Variants in RAB9A observed in about 807,000 individuals in gnomAD.
The protein encoded by RAB9A is ras-related protein Rab-9A.
Under a neutral mutation model 10.3 loss-of-function variants are expected in RAB9A, and 1 was observed. The ratio of observed to expected loss-of-function variants is 0.10; its 90% CI spans 0.03 to 0.46. The LOEUF (loss-of-function observed/expected upper bound fraction) is 0.46. RAB9A is among the 20% of genes least tolerant of loss of function. The probability of loss-of-function intolerance (pLI) is 0.96; values close to 1 mark genes in which losing one functional copy is unlikely to be tolerated. For missense variants in RAB9A, 92 were observed against 150.3 expected, an observed-to-expected ratio of 0.61 and a Z score of 2.03; for synonymous variants, 39 against 55.2, an observed-to-expected ratio of 0.71 and a Z score of 1.30.
rs1201455829 is a variant in RAB9A at position 13,689,239 on chromosome X, C to T, written c.-165C>T. On this transcript the variant is annotated 5_prime_UTR_variant, in exon 1 of 3. Coordinates refer to ENST00000464506, the MANE Select transcript of RAB9A (RefSeq NM_004251.5). ...GACCCTCTCTCTGTCCTCATTGCGC[C>T]CAGACGGGCCGGCCCAGAGCTCCCG... 1 of 113,316 alleles carries T rather than the reference C, an allele frequency of 8.8e-6. No individual in the cohort carries two copies. The highest frequency in any genetic ancestry group is 1.9e-5 in the Non-Finnish European group (1 of 53,327). 9.3% of individuals were successfully genotyped at this position (113,316 alleles called of 1,213,427 possible).
intron 1 of RAB9A, among the ~76,000 whole-genome samples, chrX:13,695,587 A>C (rs1161648337): frequency 8.9e-6 from 1 of 112,506 alleles, no homozygotes; most frequent in African/African-American, 3.2e-5. Context: ...AAGTGGACAT[A>C]TTTCATGTGT....
chrX:13,696,638 A>G lies in RAB9A; in HGVS notation c.-115-7176A>G, dbSNP rs1001487941. On this transcript the variant is annotated intron_variant, in intron 1 of 2. Coordinates refer to ENST00000464506, the MANE Select transcript of RAB9A (RefSeq NM_004251.5). ...CTTAGGGTTGTATGTGCCGTAGGGC[A>G]TTCAGATGAGGACTGAGAAAAAGCC... Among the ~76,000 whole-genome samples, 4 of 112,280 alleles carry G rather than the reference A, an allele frequency of 3.6e-5. 1 individual carries two copies. The East Asian group carries it at 8.4e-4, about 24-fold the overall frequency.
chrX:13,707,162 CCA>C (rs1221608417), intron 2 of RAB9A, among the ~76,000 whole-genome samples: 8 of 112,335 alleles, frequency 7.1e-5, no homozygotes, highest in African/African-American at 2.6e-4. Context: ...GTCAAGTGTT[CCA>C]CAGTCACATG....
intron 2 of RAB9A, among the ~76,000 whole-genome samples, chrX:13,704,813 T>A (rs768681747): frequency 9.0e-6 from 1 of 110,714 alleles, no homozygotes; most frequent in African/African-American, 3.3e-5. Flanking sequence ...TGAGATGAGG[T>A]CTCACCATGT....
At chrX:13,695,141 T>C (rs2046142081) in intron 1 of RAB9A, among the ~76,000 whole-genome samples, 2 of 112,525 alleles carry the variant, frequency 1.8e-5, no homozygotes, top group Admixed American at 1.9e-4. Context: ...TTCAGTTCTT[T>C]TCCAGTTCTC....
chrX:13,695,425 A>T (rs1011147657), intron 1 of RAB9A, among the ~76,000 whole-genome samples: 1 of 111,714 alleles, frequency 9.0e-6, no homozygotes, highest in Non-Finnish European at 1.9e-5. Flanking sequence ...TGATCTATAA[A>T]ACATGGATGA....
intron 1 of RAB9A, among the ~76,000 whole-genome samples, chrX:13,694,325 A>G (rs1290497953): frequency 8.9e-6 from 1 of 112,514 alleles, no homozygotes; most frequent in Non-Finnish European, 1.9e-5. Flanking sequence ...GGAAATACAT[A>G]CATAATGTGG....
chrX:13,696,603 C>T (rs767246405), intron 1 of RAB9A, among the ~76,000 whole-genome samples: 1 of 111,913 alleles, frequency 8.9e-6, no homozygotes, highest in South Asian at 3.8e-4. Context: ...GAACTTTTCC[C>T]TGTATTCACC....
chrX:13,709,294 T>A lies in RAB9A; in HGVS notation c.548T>A (p.Ile183Asn). 1 of 1,210,648 alleles carries A rather than the reference T, an allele frequency of 8.3e-7. No homozygotes were observed. The highest frequency in any genetic ancestry group is 1.7e-5 in the African/African-American group (1 of 57,778). Residue 183 changes from isoleucine (I) to asparagine (N), a missense_variant, in exon 3 of 3, where the codon ATT becomes AAT. Physicochemically the swap from Ile to Asn is moderately radical, Grantham distance 149 (BLOSUM62 -3). Coordinates refer to ENST00000464506, the MANE Select transcript of RAB9A (RefSeq NM_004251.5). The stretch of plus-strand genomic sequence containing the variant: ...ACCGAGGATAGGTCAGATCATTTGA[T>A]TCAGACAGACACAGTCAATCTTCAC... ...LATEDRSDHL[I>N]QTDTVNLHRK...
chrX:13,695,917 C>T (rs2046145543), intron 1 of RAB9A, among the ~76,000 whole-genome samples: 1 of 110,792 alleles, frequency 9.0e-6, no homozygotes, highest in African/African-American at 3.3e-5. Context: ...AAAGCAGAAC[C>T]TATTATCAGA....
chrX:13,695,422 TAA>T (rs1396946250), intron 1 of RAB9A, among the ~76,000 whole-genome samples: 1 of 112,004 alleles, frequency 8.9e-6, no homozygotes, highest in Admixed American at 9.4e-5. Flanking sequence ...TATTGATCTA[TAA>T]AACATGGATG....
chrX:13,708,868 G>A lies in RAB9A; in HGVS notation c.122G>A (p.Gly41Asp). The change falls in exon 3 of 3, where the codon GGT becomes GAT. Residue 41 changes from glycine (G) to aspartate (D), a missense_variant. Physicochemically the swap from Gly to Asp is moderately conservative, Grantham distance 94 (BLOSUM62 -1). Transcript: ENST00000464506. ...KFDTQLFHTI[G>D]VEFLNKDLEV... ...GATACCCAGCTCTTCCATACAATAGGTGTGGAATTTTTAAATAAAGATTTG... is the reference window on the plus strand; with the variant it reads ...GATACCCAGCTCTTCCATACAATAGATGTGGAATTTTTAAATAAAGATTTG... 8.3e-7 allele frequency: 1 copy of A among 1,210,588 alleles called. No individual in the cohort carries two copies. The highest frequency in any genetic ancestry group is 1.1e-6 in the Non-Finnish European group (1 of 894,633).
At position 13,689,218 on chromosome X, in the gene RAB9A, C is replaced by T. The variant is rs1218975711; in HGVS notation, c.-186C>T. 3.5e-5 allele frequency: 4 copies of T among 113,417 alleles called. No individual in the cohort carries two copies. Among genetic ancestry groups the T allele is most frequent in the African/African-American group, 1.3e-4 (4 of 31,298 alleles). 9.3% of individuals were successfully genotyped at this position (113,417 alleles called of 1,213,427 possible). ...CCTCCTGCTGTGCAGGTCCCCGACC[C>T]TCTCTCTGTCCTCATTGCGCCCAGA... is the stretch of plus-strand genomic sequence containing the variant. On this transcript the variant is annotated 5_prime_UTR_variant, in exon 1 of 3. Transcript: ENST00000464506.
Position 13,709,352 on chromosome X carries a change from A to C in RAB9A, c.606A>C (p.Ter202CysextTer5). The C allele has an allele frequency of 5.9e-6, 7 of 1,193,785 alleles. No individual in the cohort carries two copies. Among genetic ancestry groups the C allele is most frequent in the Non-Finnish European group, 7.9e-6 (7 of 886,272 alleles). ...CCAAGCCTAGCTCATCTTGCTGTTG[A>C]TTGTTAGATTGTTGATGCATTCTAA... is the stretch of plus-strand genomic sequence containing the variant. ...RKPKPSSSCC[*>C] The change falls in exon 3 of 3, where the codon TGA (stop) becomes TGC (cysteine). Residue 202 changes from the stop codon to cysteine (C), a stop_lost. Coordinates refer to ENST00000464506, the MANE Select transcript of RAB9A (RefSeq NM_004251.5).
chrX:13,692,203 T>C (rs1231738443), intron 1 of RAB9A, among the ~76,000 whole-genome samples: 2 of 110,987 alleles, frequency 1.8e-5, no homozygotes, highest in Admixed American at 9.6e-5. Flanking sequence ...CCAGCTACTC[T>C]GGAGGCTGAG....
At position 13,694,613 on chromosome X, in the gene RAB9A, CTA is replaced by C. The variant is rs1174575482; in HGVS notation, c.-116+5327_-116+5328del. 4.5e-5 allele frequency among the ~76,000 whole-genome samples: 5 copies of C among 111,774 alleles called. No homozygotes were observed. In the Admixed American group the frequency reaches 4.7e-4, roughly 11 times the overall value. ...GGGGTGCCCTACAAATGTCAAGTATCTATGTTTCCCTCAGAAATTTAAAATAG... is the reference window on the plus strand; with the variant it reads ...GGGGTGCCCTACAAATGTCAAGTATCTGTTTCCCTCAGAAATTTAAAATAG... On this transcript the variant is annotated intron_variant, in intron 1 of 2. Transcript: ENST00000464506.
chrX:13,691,843 A>G (rs2046126065), intron 1 of RAB9A, among the ~76,000 whole-genome samples: 1 of 110,148 alleles, frequency 9.1e-6, no homozygotes, highest in Non-Finnish European at 1.9e-5. Context: ...CACTGATACA[A>G]AGGTGCTGAT....
chrX:13,709,986 G>A lies in RAB9A; in HGVS notation c.*634G>A, dbSNP rs758744977. The A allele has an allele frequency of 8.1e-6, 1 of 123,239 alleles. No homozygotes were observed. 10.2% of individuals were successfully genotyped at this position (123,239 alleles called of 1,213,427 possible). A position where few individuals can be genotyped will look rare whatever the true frequency, so the allele number is the denominator to read the frequency against. ...CATGTTCCACAGTCTCAGGCGGAGGGTGGGCCCCCAGTGGTACAAGAGTTG... is the reference window on the plus strand; with the variant it reads ...CATGTTCCACAGTCTCAGGCGGAGGATGGGCCCCCAGTGGTACAAGAGTTG... On this transcript the variant is annotated 3_prime_UTR_variant, in exon 3 of 3. Transcript: ENST00000464506.
At chrX:13,693,788 G>GA (rs910296310) in intron 1 of RAB9A, among the ~76,000 whole-genome samples, 26 of 110,549 alleles carry the variant, frequency 2.4e-4, no homozygotes, top group African/African-American at 7.9e-4. Flanking sequence ...GTGTATTTTG[G>GA]AAAAAAAATG....
Sources: allele counts gnomAD v4.1 joint callset (sites outside exome capture counted in the v4.1 genomes callset), GRCh38; gene constraint gnomAD v4.1.1; transcripts MANE v1.5; gene names NCBI Gene and HGNC (gene_info 2026-07-23, HGNC 2026-07-21).